The following DAB2IP variants were observed in gnomAD, a reference collection of about 807,000 sequenced individuals.
DAB2IP encodes DAB2 interacting protein, also known as disabled homolog 2-interacting protein.
Under a neutral mutation model 107.2 loss-of-function variants are expected in DAB2IP, and 28 were observed. The ratio of observed to expected loss-of-function variants is 0.26; its 90% CI spans 0.19 to 0.36. DAB2IP has a LOEUF of 0.36. DAB2IP is among the 10% of genes least tolerant of loss of function. DAB2IP has a pLI of 1.00. For synonymous variants in DAB2IP, 755 were observed against 706.4 expected (o/e 1.07, Z -1.09); for missense variants, 1,400 against 1,644.7 (o/e 0.85, Z 2.57).
At chr9:121,691,920 A>G (rs1829185020) in intron 2 of DAB2IP, among the ~76,000 whole-genome samples, 1 of 152,242 alleles carries the variant, frequency 6.6e-6, no homozygotes, top group Admixed American at 6.5e-5. Flanking sequence ...CAGAACTCCA[A>G]AAGTCACAGG....
chr9:121,623,116 G>T (rs1302384071), intron 1 of DAB2IP, among the ~76,000 whole-genome samples: 5 of 152,174 alleles, frequency 3.3e-5, no homozygotes, highest in Non-Finnish European at 7.3e-5. Context: ...TCTCACCTCA[G>T]TTTTGCAGAT....
In DAB2IP at chr9:121,766,864, CCTT is replaced by C. The variant is rs527651059; in HGVS notation, c.1697+137_1697+139del. ...TGGTTTTGTCCCTGTCATCCTCAGT[CCTT>C]CTCCTTCCCGCTTTTTAAAAAATAA... On this transcript the variant is annotated intron_variant, in intron 9 of 15. Transcript: ENST00000408936. 27 of 814,878 alleles carry C rather than the reference CCTT, an allele frequency of 3.3e-5. No homozygotes were observed. The South Asian group carries it at 4.5e-4, about 14-fold the overall frequency. The allele number at this position is 814,878 out of a possible 1,614,324, so 50.5% of individuals were successfully genotyped here.
At chr9:121,612,903 C>T (rs1215751690) in intron 1 of DAB2IP, among the ~76,000 whole-genome samples, 1 of 152,226 alleles carries the variant, frequency 6.6e-6, no homozygotes, top group Admixed American at 6.5e-5. Context: ...CCATCGGAGT[C>T]TTGCAGCCAG....
intron 3 of DAB2IP, chr9:121,737,472 CG>C: frequency 1.0e-6 from 1 of 985,448 alleles, no homozygotes; most frequent in South Asian, 4.7e-5. Context: ...TCTTAGATGC[CG>C]GCCCGGCCGA....
In DAB2IP at chr9:121,643,449, C is replaced by T. The variant is rs957606833; in HGVS notation, c.41-35229C>T. Among the ~76,000 whole-genome samples the T allele has an allele frequency of 1.3e-4, 20 of 151,996 alleles. 1 individual carries two copies. The highest frequency in any genetic ancestry group is 5.9e-5 in the Non-Finnish European group (4 of 67,968). ...GCCTGGGCCTCACCCCAACTTGGTT[C>T]TATCTCCCTGTCTATTCTCCCTGAT... On this transcript the variant is annotated intron_variant, in intron 1 of 16. Coordinates refer to the DAB2IP transcript ENST00000259371.
rs138053639 is a variant in DAB2IP, at chr9:121,774,365, C to A, written c.3073C>A (p.His1025Asn). The change falls in exon 13 of 16, where the codon CAC (histidine) becomes AAC (asparagine). Residue 1025 changes from histidine (H) to asparagine (N), a missense_variant. His to Asn is a moderately conservative substitution (Grantham distance 68, BLOSUM62 1). Transcript: ENST00000408936. Reference sequence around the variant, plus strand: ...CGAGGGCCTGGGCCCAGACCCCCCCCACAGGGATAGGCTAAGGAGTAAGGA... The same window carrying A: ...CGAGGGCCTGGGCCCAGACCCCCCCAACAGGGATAGGCTAAGGAGTAAGGA... 2.8e-4 allele frequency: 451 copies of A among 1,612,904 alleles called. 1 individual carries two copies. The African/African-American group carries it at 3.5e-3, about 12-fold the overall frequency.
intron 1 of DAB2IP, among the ~76,000 whole-genome samples, chr9:121,629,325 G>T (rs1831785280): frequency 6.6e-6 from 1 of 152,206 alleles, no homozygotes; most frequent in African/African-American, 2.4e-5. Context: ...GCTGATGGCA[G>T]AGGGTGGTGG....
intron 1 of DAB2IP, among the ~76,000 whole-genome samples, chr9:121,642,456 C>T (rs1389406272): frequency 6.6e-6 from 1 of 151,054 alleles, no homozygotes; most frequent in Non-Finnish European, 1.5e-5. Flanking sequence ...GCTGCAATTA[C>T]AGGCGTGAGC....
rs2118970703 is a variant in DAB2IP at position 121,760,597 on chromosome 9, G to A, written c.1170+158G>A. ...AACCCAAAAGTTCTATCGTGGGCTGGGGGTTTTGTACTCCTGCTCTGTGGC... is the reference window on the plus strand; with the variant it reads ...AACCCAAAAGTTCTATCGTGGGCTGAGGGTTTTGTACTCCTGCTCTGTGGC... On this transcript the variant is annotated intron_variant, in intron 6 of 15. Transcript: ENST00000408936. The surrounding 1 kb of genome is among the most constrained non-coding windows in gnomAD (Gnocchi z 5.9). 6.6e-6 allele frequency among the ~76,000 whole-genome samples: 1 copy of A among 152,278 alleles called. No homozygotes were observed.
rs988652270 is a variant in DAB2IP at position 121,702,355 on chromosome 9, G to A, written c.362+2897G>A. Among the ~76,000 whole-genome samples, 2 of 152,142 alleles carry A rather than the reference G, an allele frequency of 1.3e-5. No homozygotes were observed. Among genetic ancestry groups the A allele is most frequent in the Non-Finnish European group, 2.9e-5 (2 of 68,028 alleles). On this transcript the variant is annotated intron_variant, in intron 3 of 15. Transcript: ENST00000408936. This position sits in a 1 kb window ranked among gnomAD's most constrained non-coding sequence, Gnocchi z 4.5. ...TTGAGGGTTGCTATCTGGTTGTGAGGCTGGGGTCAGGCCAGGCAGTGCTTG... is the reference window on the plus strand; with the variant it reads ...TTGAGGGTTGCTATCTGGTTGTGAGACTGGGGTCAGGCCAGGCAGTGCTTG...
At chr9:121,637,419 G>A (rs142285996) in intron 1 of DAB2IP, among the ~76,000 whole-genome samples, 10 of 152,294 alleles carry the variant, frequency 6.6e-5, no homozygotes, top group South Asian at 2.1e-4. Context: ...TGCCTTGCTC[G>A]GGGAATTGGA....
chr9:121,600,833 A>G (rs1447411430), intron 1 of DAB2IP, among the ~76,000 whole-genome samples: 1 of 152,158 alleles, frequency 6.6e-6, no homozygotes, highest in African/African-American at 2.4e-5. Context: ...CAAGGGGGAT[A>G]TAGGGAGGTT....
At chr9:121,623,559 G>T (rs1831546480) in intron 1 of DAB2IP, among the ~76,000 whole-genome samples, 1 of 152,096 alleles carries the variant, frequency 6.6e-6, no homozygotes, top group Non-Finnish European at 1.5e-5. Context: ...TAGAGATGGG[G>T]GTCTGGCTAT....
intron 1 of DAB2IP, among the ~76,000 whole-genome samples, chr9:121,583,369 C>A (rs1830245371): frequency 6.6e-6 from 1 of 152,088 alleles, no homozygotes; most frequent in African/African-American, 2.4e-5. Context: ...CCAGCCTGGG[C>A]AACTGAGTGA....
intron 1 of DAB2IP, among the ~76,000 whole-genome samples, chr9:121,645,092 G>C (rs1002257644): frequency 1.2e-4 from 18 of 152,366 alleles, no homozygotes; most frequent in Admixed American, 2.6e-4. Flanking sequence ...CTTACTGAAG[G>C]GGGAGGAAGA....
At chr9:121,572,916 G>A (rs1336306199) in intron 1 of DAB2IP, among the ~76,000 whole-genome samples, 1 of 152,120 alleles carries the variant, frequency 6.6e-6, no homozygotes, top group Non-Finnish European at 1.5e-5. Flanking sequence ...CAACCAGCAT[G>A]GGCATCTACC....
At chr9:121,570,073 C>G (rs10985321) in intron 1 of DAB2IP, among the ~76,000 whole-genome samples, 3,816 of 146,426 alleles carry the variant, frequency 0.026, 48 homozygotes, top group East Asian at 0.042. Context: ...GGATTCTAGG[C>G]GTGAGCCACA....
Position 121,776,315 on chromosome 9 carries a change from C to T in DAB2IP, c.3238C>T (p.Arg1080Trp), listed in dbSNP as rs1323546606. The change falls in exon 14 of 16, where the codon CGG (arginine) becomes TGG (tryptophan). Residue 1080 changes from arginine (R) to tryptophan (W), a missense_variant. By Grantham distance (101) the Arg-to-Trp change is moderately radical. Around this residue, in one of 3 missense-constraint regions of DAB2IP, gnomAD observed 600 missense variants for 659.1 expected, o/e 0.91. Coordinates refer to ENST00000408936, the Ensembl canonical transcript of DAB2IP. This position sits in a 1 kb window ranked among gnomAD's most constrained non-coding sequence, Gnocchi z 5.4. Reference sequence around the variant, plus strand: ...GAAGCTGGTGCTGGAGTACCAGGCACGGCTGGAGGAGGGCGAGGAGCGGCT... The same window carrying T: ...GAAGCTGGTGCTGGAGTACCAGGCATGGCTGGAGGAGGGCGAGGAGCGGCT... 2.6e-6 allele frequency: 4 copies of T among 1,566,552 alleles called. No individual in the cohort carries two copies. The highest frequency in any genetic ancestry group is 1.9e-5 in the Admixed American group (1 of 52,162).
intron 1 of DAB2IP, among the ~76,000 whole-genome samples, chr9:121,604,234 C>T (rs530680941): frequency 3.6e-4 from 55 of 152,296 alleles, no homozygotes; most frequent in African/African-American, 1.2e-3. Flanking sequence ...CCTTCCAAGC[C>T]ATCACATGTC....
Sources: gnomAD v4.1 joint callset for allele counts (sites outside exome capture counted in the v4.1 genomes callset) on GRCh38, gnomAD v4.1.1 for gene constraint, gnomAD v4.1.1 regional missense constraint, Gnocchi (gnomAD v3.1) non-coding constraint, MANE v1.5 for transcripts, NCBI Gene and HGNC (gene_info 2026-07-23, HGNC 2026-07-21) for gene names.